Variants in SIK3 observed in about 807,000 individuals in gnomAD.
SIK3 encodes the protein SIK family kinase 3, also known as serine/threonine-protein kinase SIK3.
Under a neutral mutation model 144.2 loss-of-function variants are expected in SIK3, and 28 were observed. That is an observed-to-expected ratio of 0.19 (90% CI 0.14 to 0.27). The LOEUF (loss-of-function observed/expected upper bound fraction) is 0.27, where lower values mean the gene tolerates loss of function less well. Ranked by LOEUF, SIK3 falls within the 10% of genes least tolerant of loss-of-function variation. The pLI is 1.00. For missense variants in SIK3, 1,319 were observed against 1,776.0 expected, an observed-to-expected ratio of 0.74 and a Z score of 4.62; for synonymous variants, 686 against 676.3, an observed-to-expected ratio of 1.01 and a Z score of -0.22.
chr11:116,930,123 C>T (rs1279207419), intron 3 of SIK3, among the ~76,000 whole-genome samples: 3 of 151,824 alleles, frequency 2.0e-5, no homozygotes, highest in African/African-American at 7.3e-5. Context: ...ATATTTGCTC[C>T]TAGCCATTGT....
chr11:117,006,357 T>C (rs570375320), intron 1 of SIK3, among the ~76,000 whole-genome samples: 1 of 152,218 alleles, frequency 6.6e-6, no homozygotes, highest in East Asian at 1.9e-4. Context: ...GTAAGCTCAA[T>C]GTCCAAGTGT....
At chr11:116,948,040 T>G (rs1403089564) in intron 3 of SIK3, among the ~76,000 whole-genome samples, 1 of 151,506 alleles carries the variant, frequency 6.6e-6, no homozygotes, top group Non-Finnish European at 1.5e-5. Flanking sequence ...GCTCAGGTGA[T>G]CCTCCCACTT....
chr11:116,920,158 CTTTT>C (rs752642003), intron 4 of SIK3, among the ~76,000 whole-genome samples: 1 of 141,996 alleles, frequency 7.0e-6, no homozygotes, highest in Non-Finnish European at 1.5e-5. Context: ...GCTGCTCACC[CTTTT>C]TTTTTTTTTT....
chr11:116,988,876 A>T (rs1037196366), intron 1 of SIK3, among the ~76,000 whole-genome samples: 16 of 151,504 alleles, frequency 1.1e-4, no homozygotes, highest in African/African-American at 3.6e-4. Context: ...ACAAAACTTC[A>T]CTGAAAAATC....
intron 1 of SIK3, among the ~76,000 whole-genome samples, chr11:117,033,106 C>T (rs1952334833): frequency 6.6e-6 from 1 of 152,156 alleles, no homozygotes; most frequent in African/African-American, 2.4e-5. Flanking sequence ...CTTTAAAATG[C>T]ATCCTATATT....
intron 4 of SIK3, among the ~76,000 whole-genome samples, chr11:116,920,953 ATCTCT>A (rs1946933782): frequency 6.6e-6 from 1 of 152,204 alleles, no homozygotes; most frequent in Admixed American, 6.5e-5. Context: ...GCCTTGTAAC[ATCTCT>A]TCTATTGTAT....
intron 3 of SIK3, among the ~76,000 whole-genome samples, chr11:116,931,697 T>C (rs1947611209): frequency 6.6e-6 from 1 of 152,184 alleles, no homozygotes; most frequent in Non-Finnish European, 1.5e-5. Flanking sequence ...TAACCACAGC[T>C]AGTAGTTCTT....
intron 1 of SIK3, among the ~76,000 whole-genome samples, chr11:117,059,703 T>A (rs1345685466): frequency 6.6e-6 from 1 of 152,176 alleles, no homozygotes; most frequent in Non-Finnish European, 1.5e-5. Flanking sequence ...GCAAAAGATA[T>A]GATCAGATAC....
chr11:116,907,355 T>C (rs1946094746), intron 4 of SIK3, among the ~76,000 whole-genome samples: 1 of 152,206 alleles, frequency 6.6e-6, no homozygotes, highest in Non-Finnish European at 1.5e-5. Context: ...TTTATTGAAA[T>C]TTAAAAATTT....
intron 1 of SIK3, among the ~76,000 whole-genome samples, chr11:116,968,898 G>A (rs11216204): frequency 0.073 from 11,056 of 152,094 alleles, 493 homozygotes; most frequent in Middle Eastern, 0.11. Flanking sequence ...CCTCTTTTAT[G>A]TCTTATGACA....
chr11:116,879,171 A>G (rs1400638523), intron 6 of SIK3, among the ~76,000 whole-genome samples: 1 of 152,210 alleles, frequency 6.6e-6, no homozygotes, highest in African/African-American at 2.4e-5. Flanking sequence ...TGAGATTGTA[A>G]TTGTGAAAAT....
At chr11:116,989,206 T>A (rs922791385) in intron 1 of SIK3, among the ~76,000 whole-genome samples, 2 of 152,100 alleles carry the variant, frequency 1.3e-5, no homozygotes, top group African/African-American at 4.8e-5. Flanking sequence ...CTTTTTTTTT[T>A]CCCCGCATGT....
intron 13 of SIK3, 140 bp from the exon 14 acceptor site, chr11:116,870,541 A>G: frequency 9.5e-7 from 1 of 1,049,538 alleles, no homozygotes; most frequent in Non-Finnish European, 1.4e-6. Flanking sequence ...GTTATACAGG[A>G]TTTTCATATA....
Position 116,857,856 on chromosome 11 carries a change from A to T in SIK3, c.3609T>A (p.Gly1203=). Residue 1203 remains glycine (G), a synonymous_variant, in exon 21 of 25, where the codon GGT becomes GGA. Coordinates refer to ENST00000445177, the MANE Select transcript of SIK3 (RefSeq NM_001366686.3). ...HAQELGIHPY[G]HQPTAAFSKN... The stretch of plus-strand genomic sequence containing the variant: ...TACTGAATGCAGCAGTTGGCTGATG[A>T]CCATAGGGATGTATCCCCAATTCTT... The T allele has an allele frequency of 6.2e-7, 1 of 1,614,206 alleles. No homozygotes were observed. Among genetic ancestry groups the T allele is most frequent in the South Asian group, 1.1e-5 (1 of 91,080 alleles).
intron 1 of SIK3, among the ~76,000 whole-genome samples, chr11:117,077,335 A>G (rs1300969130): frequency 1.3e-5 from 2 of 152,160 alleles, no homozygotes; most frequent in Admixed American, 6.5e-5. Context: ...TTCCTTTCAC[A>G]TTCAACCTTG....
chr11:117,044,014 ATCAGAAGCC>A (rs371542442), intron 1 of SIK3, among the ~76,000 whole-genome samples: 275 of 152,336 alleles, frequency 1.8e-3, no homozygotes, highest in African/African-American at 6.4e-3. Flanking sequence ...TTTGAGATGG[ATCAGAAGCC>A]TCATTCCCTG....
chr11:117,065,534 T>G (rs1226231953), intron 1 of SIK3, among the ~76,000 whole-genome samples: 1 of 152,196 alleles, frequency 6.6e-6, no homozygotes, highest in Non-Finnish European at 1.5e-5. Context: ...TTACAGTGAC[T>G]TAAGACAAAA....
intron 21 of SIK3, among the ~76,000 whole-genome samples, chr11:116,856,248 T>C (rs1376261762): frequency 2.0e-5 from 3 of 150,902 alleles, no homozygotes; most frequent in Admixed American, 6.6e-5. Flanking sequence ...ATGCCAACTA[T>C]AGTGTGCTAA....
At chr11:116,914,984 ATTAAT>A (rs971312654) in intron 4 of SIK3, among the ~76,000 whole-genome samples, 7 of 152,370 alleles carry the variant, frequency 4.6e-5, no homozygotes, top group African/African-American at 1.7e-4. Context: ...TACATTAAAA[ATTAAT>A]TTAAAAGTTC....
Sources: allele counts gnomAD v4.1 joint callset (sites outside exome capture counted in the v4.1 genomes callset), GRCh38; gene constraint gnomAD v4.1.1; transcripts MANE v1.5; gene names NCBI Gene and HGNC (gene_info 2026-07-23, HGNC 2026-07-21).